The following ATL1 variants were observed in gnomAD, a reference collection of about 807,000 sequenced individuals.
ATL1 encodes the protein atlastin GTPase 1.
A neutral mutation model predicts 75.5 loss-of-function variants in ATL1; 31 were observed. That is an observed-to-expected ratio of 0.41 (90% CI 0.31 to 0.55). The LOEUF (loss-of-function observed/expected upper bound fraction) is 0.55. Ranked by LOEUF, ATL1 falls within the 20% of genes least tolerant of loss-of-function variation. ATL1 has a pLI of 0.27. For synonymous variants in ATL1, 226 were observed against 233.3 expected (o/e 0.97, Z 0.28); for missense variants, 405 against 662.6 (o/e 0.61, Z 4.27).
intron 6 of ATL1, among the ~76,000 whole-genome samples, chr14:50,602,548 C>T (rs1035101504): frequency 6.6e-6 from 1 of 151,464 alleles, no homozygotes; most frequent in Non-Finnish European, 1.5e-5. Context: ...CACTTGAGTT[C>T]GTGTTTTAGA....
chr14:50,622,858 C>T lies in ATL1; in HGVS notation c.1048-319C>T, dbSNP rs376988473. Among the ~76,000 whole-genome samples, 11 of 151,776 alleles carry T rather than the reference C, an allele frequency of 7.2e-5. No homozygotes were observed. In the East Asian group the frequency reaches 7.7e-4, roughly 11 times the overall value. The stretch of plus-strand genomic sequence containing the variant: ...TTATAAAATGTACTATGTATTATTC[C>T]CCATGAGTTTGGGTTTATGATTTTT... On this transcript the variant is annotated intron_variant, in intron 10 of 13. Coordinates refer to ENST00000358385, the MANE Select transcript of ATL1 (RefSeq NM_015915.5).
At chr14:50,618,727 C>A (rs1191932509) in intron 8 of ATL1, among the ~76,000 whole-genome samples, 1 of 152,080 alleles carries the variant, frequency 6.6e-6, no homozygotes, top group Non-Finnish European at 1.5e-5. Flanking sequence ...AGCCTGAAAA[C>A]TCTAACTCTG....
intron 1 of ATL1, among the ~76,000 whole-genome samples, chr14:50,540,337 A>G (rs375082048): frequency 2.6e-5 from 4 of 152,326 alleles, no homozygotes; most frequent in East Asian, 1.9e-4. Context: ...ACTGATTGGT[A>G]GAAACCTAAC....
chr14:50,628,527 A>C (rs746606357), intron 12 of ATL1, 65 bp downstream of exon 12: 16 of 1,501,464 alleles, frequency 1.1e-5, no homozygotes, highest in Non-Finnish European at 1.2e-5. Flanking sequence ...TGTGCCAGCC[A>C]CTGCATTAGA....
At chr14:50,547,996 C>T (rs1480561415) in intron 1 of ATL1, among the ~76,000 whole-genome samples, 1 of 152,110 alleles carries the variant, frequency 6.6e-6, no homozygotes, top group Non-Finnish European at 1.5e-5. Context: ...TTAATGATAT[C>T]ATGCTAACCT....
At chr14:50,582,722 A>T (rs915065616) in intron 1 of ATL1, among the ~76,000 whole-genome samples, 1 of 151,886 alleles carries the variant, frequency 6.6e-6, no homozygotes, top group Non-Finnish European at 1.5e-5. Context: ...CACCATGCCC[A>T]GCTGCTAATT....
intron 4 of ATL1, 90 bp downstream of exon 4, chr14:50,591,729 A>G (rs576856370): frequency 1.4e-4 from 135 of 936,816 alleles, no homozygotes; most frequent in Non-Finnish European, 2.2e-4. Flanking sequence ...TAGATAAACA[A>G]CAGAAATTGG....
At chr14:50,572,119 C>A in intron 1 of ATL1, 1 of 458,730 alleles carries the variant, frequency 2.2e-6, no homozygotes, top group Non-Finnish European at 4.2e-6. Context: ...TTTTTTAAAT[C>A]CAGAGGGTGA....
At chr14:50,568,503 G>T (rs893432188) in intron 1 of ATL1, among the ~76,000 whole-genome samples, 1 of 151,912 alleles carries the variant, frequency 6.6e-6, no homozygotes, top group Admixed American at 6.6e-5. Context: ...CTCTCTTTTG[G>T]TTTATATTTA....
chr14:50,534,152 G>T (rs1340862658), intron 1 of ATL1, among the ~76,000 whole-genome samples: 1 of 152,198 alleles, frequency 6.6e-6, no homozygotes, highest in African/African-American at 2.4e-5. Flanking sequence ...TATAAGCACT[G>T]ATCCTTTATC....
Position 50,587,942 on chromosome 14 carries a change from A to C in ATL1, c.146A>C (p.Asp49Ala). The change falls in exon 2 of 14, where the codon GAT becomes GCT. Residue 49 changes from aspartate to alanine, a missense_variant. By Grantham distance (126) the Asp-to-Ala change is moderately radical (BLOSUM62 -2). Around this residue, in one of 5 missense-constraint regions of ATL1, gnomAD observed 126 missense variants for 172.0 expected, o/e 0.73. Transcript: ENST00000358385. ...IVKDDHSFELDETALNRILLS... is the reference protein window; with the variant it reads ...IVKDDHSFELAETALNRILLS... The stretch of plus-strand genomic sequence containing the variant: ...AAAGATGACCATTCCTTTGAGTTAG[A>C]TGAAACTGCATTAAATCGGATCCTT... 6.2e-7 allele frequency: 1 copy of C among 1,614,190 alleles called. No homozygotes were observed. Among genetic ancestry groups the C allele is most frequent in the East Asian group, 2.2e-5 (1 of 44,882 alleles).
intron 11 of ATL1, 96 bp downstream of exon 11, chr14:50,623,344 T>G: frequency 1.1e-6 from 1 of 932,026 alleles, no homozygotes; most frequent in South Asian, 1.4e-5. Flanking sequence ...TGTACACACA[T>G]GCAATGAGGT....
At chr14:50,564,123 G>C (rs1364244572) in intron 1 of ATL1, among the ~76,000 whole-genome samples, 1 of 152,198 alleles carries the variant, frequency 6.6e-6, no homozygotes, top group Non-Finnish European at 1.5e-5. Flanking sequence ...AGTAGGCAAA[G>C]AATGTGCTAG....
intron 1 of ATL1, among the ~76,000 whole-genome samples, chr14:50,552,931 T>C (rs1349368544): frequency 6.6e-6 from 1 of 152,006 alleles, no homozygotes; most frequent in African/African-American, 2.4e-5. Context: ...TCAGAAAAAC[T>C]CTTATAGACA....
intron 1 of ATL1, among the ~76,000 whole-genome samples, chr14:50,587,606 C>G (rs1005472843): frequency 1.3e-5 from 2 of 151,904 alleles, no homozygotes; most frequent in Non-Finnish European, 2.9e-5. Context: ...GACAGGATCT[C>G]ACTATGTTGC....
intron 8 of ATL1, among the ~76,000 whole-genome samples, chr14:50,614,832 A>C (rs1293877404): frequency 6.6e-6 from 1 of 152,184 alleles, no homozygotes; most frequent in Non-Finnish European, 1.5e-5. Context: ...CCTTATCTAC[A>C]TGAAAAAGGA....
At chr14:50,631,695 C>T (rs936628572) in intron 13 of ATL1, among the ~76,000 whole-genome samples, 3 of 152,014 alleles carry the variant, frequency 2.0e-5, no homozygotes, top group South Asian at 2.1e-4. Context: ...AGCTAAGTCA[C>T]GGAAACAAGG....
intron 1 of ATL1, among the ~76,000 whole-genome samples, chr14:50,540,419 G>A (rs983076537): frequency 6.6e-6 from 1 of 152,148 alleles, no homozygotes; most frequent in Non-Finnish European, 1.5e-5. Flanking sequence ...CAAACCTGGA[G>A]TCCCTTAATT....
At chr14:50,629,168 CATA>C (rs1409146642) in intron 12 of ATL1, among the ~76,000 whole-genome samples, 2 of 152,182 alleles carry the variant, frequency 1.3e-5, no homozygotes, top group Non-Finnish European at 1.5e-5. Flanking sequence ...GAACCACTAT[CATA>C]AGTTGTCATA....
Sources: allele counts gnomAD v4.1 joint callset (sites outside exome capture counted in the v4.1 genomes callset), GRCh38; gene constraint gnomAD v4.1.1; regional missense constraint gnomAD v4.1.1; transcripts MANE v1.5; gene names NCBI Gene and HGNC (gene_info 2026-07-23, HGNC 2026-07-21).